BCAR3: variants seen among roughly 807,000 people sequenced by gnomAD.
BCAR3 encodes BCAR3 adaptor protein, NSP family member.
Under a neutral mutation model 80.1 loss-of-function variants are expected in BCAR3, and 37 were observed. That is an observed-to-expected ratio of 0.46 (90% CI 0.36 to 0.61). The LOEUF (loss-of-function observed/expected upper bound fraction) is 0.61, where lower values mean the gene tolerates loss of function less well. Ranked by LOEUF, BCAR3 falls within the 20% of genes least tolerant of loss-of-function variation. The pLI is 0.00. For missense variants in BCAR3, 978 were observed against 1,068.2 expected, an observed-to-expected ratio of 0.92 and a Z score of 1.18; for synonymous variants, 389 against 418.9, an observed-to-expected ratio of 0.93 and a Z score of 0.87.
rs369464757 is a variant in BCAR3, at chr1:93,726,827, G to A, written c.-62-20685C>T. 2.2e-4 allele frequency among the ~76,000 whole-genome samples: 33 copies of A among 152,246 alleles called. 3 individuals carry two copies. Among genetic ancestry groups the A allele is most frequent in the East Asian group, 9.6e-4 (5 of 5,186 alleles). Reference sequence around the variant, plus strand: ...CAAACCACTAAATTTCTGCCCACAGGTGGTGACTACAATTAATTTTTGTAT... The same window carrying A: ...CAAACCACTAAATTTCTGCCCACAGATGGTGACTACAATTAATTTTTGTAT... On this transcript the variant is annotated intron_variant, in intron 2 of 13. Transcript: ENST00000370244.
At chr1:93,666,370 T>A (rs1055023257) in intron 2 of BCAR3, among the ~76,000 whole-genome samples, 1 of 152,252 alleles carries the variant, frequency 6.6e-6, no homozygotes, top group African/African-American at 2.4e-5. Flanking sequence ...AAATTATTAC[T>A]GAAATATATT....
chr1:93,665,365 T>C (rs1315598706), intron 2 of BCAR3, among the ~76,000 whole-genome samples: 1 of 151,974 alleles, frequency 6.6e-6, no homozygotes, highest in Non-Finnish European at 1.5e-5. Flanking sequence ...TTAGTTTAAA[T>C]GGCAAGATAG....
intron 2 of BCAR3, among the ~76,000 whole-genome samples, chr1:93,783,984 A>G (rs1004197): frequency 0.31 from 47,875 of 152,134 alleles, 10,873 homozygotes; most frequent in African/African-American, 0.64. Flanking sequence ...CTTAGAACTC[A>G]TCCACCATTT....
rs1006110521 is a variant in BCAR3 at position 93,807,970 on chromosome 1, A to C, written c.-63+37597T>G. On this transcript the variant is annotated intron_variant, in intron 2 of 13. Transcript: ENST00000370244. ...TCTGAGGTGGGAGGTTCAGGGAGGCAGAGGTTGCAGTGAGCTGAGATCACA... is the reference window on the plus strand; with the variant it reads ...TCTGAGGTGGGAGGTTCAGGGAGGCCGAGGTTGCAGTGAGCTGAGATCACA... Among the ~76,000 whole-genome samples, 4 of 151,456 alleles carry C rather than the reference A, an allele frequency of 2.6e-5. No individual in the cohort carries two copies. In the South Asian group the frequency reaches 8.4e-4, roughly 32 times the overall value.
At position 93,721,509 on chromosome 1, in the gene BCAR3, C is replaced by T. The variant is rs763815139; in HGVS notation, c.-62-15367G>A. ...TTGTATTGTTATTCTCCTGGGAATGCGACGGAACTTTTCCTAGAGATACAG... is the reference window on the plus strand; with the variant it reads ...TTGTATTGTTATTCTCCTGGGAATGTGACGGAACTTTTCCTAGAGATACAG... On this transcript the variant is annotated intron_variant, in intron 2 of 13. Coordinates refer to the BCAR3 transcript ENST00000370244. 1.1e-4 allele frequency among the ~76,000 whole-genome samples: 16 copies of T among 152,094 alleles called. 1 individual carries two copies. The highest frequency in any genetic ancestry group is 1.3e-4 in the Admixed American group (2 of 15,276).
intron 2 of BCAR3, among the ~76,000 whole-genome samples, chr1:93,772,475 C>T (rs1310149609): frequency 6.6e-6 from 1 of 152,212 alleles, no homozygotes; most frequent in African/African-American, 2.4e-5. Flanking sequence ...GCAGGGTTAG[C>T]TCTTTCCCAG....
chr1:93,640,292 C>T (rs1424209553), intron 3 of BCAR3, among the ~76,000 whole-genome samples: 3 of 152,096 alleles, frequency 2.0e-5, no homozygotes, highest in Non-Finnish European at 2.9e-5. Flanking sequence ...TGGACCTTTA[C>T]GTCAGAGACC....
chr1:93,615,458 C>A (rs1318242004), intron 3 of BCAR3, among the ~76,000 whole-genome samples: 1 of 152,196 alleles, frequency 6.6e-6, no homozygotes, highest in Non-Finnish European at 1.5e-5. Flanking sequence ...GCGATGACTT[C>A]CTTTCTGCTT....
Position 93,657,223 on chromosome 1 carries a change from T to G in BCAR3, c.318-14880A>C, listed in dbSNP as rs138612508. On this transcript the variant is annotated intron_variant, in intron 2 of 11. Coordinates refer to ENST00000260502, the MANE Select transcript of BCAR3 (RefSeq NM_003567.4). ...CATTATTTTTTCCCATCAGCATTTG[T>G]GTAGAGACAATAGGTTTCTTTTTTG... Among the ~76,000 whole-genome samples the G allele has an allele frequency of 1.2e-3, 185 of 152,320 alleles. 2 individuals are homozygous for G. The East Asian group carries it at 0.034, about 28-fold the overall frequency.
chr1:93,569,364 G>A (rs76271121), intron 9 of BCAR3, among the ~76,000 whole-genome samples: 1,567 of 152,318 alleles, frequency 0.01, 18 homozygotes, highest in South Asian at 0.034. Context: ...TATCCAAAAG[G>A]AAGGTGAGTA....
At chr1:93,591,749 T>C (rs1287165713) in intron 4 of BCAR3, among the ~76,000 whole-genome samples, 1 of 152,214 alleles carries the variant, frequency 6.6e-6, no homozygotes, top group Non-Finnish European at 1.5e-5. Context: ...TCCCCTTTTT[T>C]CCCACCTCTG....
intron 2 of BCAR3, among the ~76,000 whole-genome samples, chr1:93,734,587 G>C (rs1224183591): frequency 6.6e-6 from 1 of 152,162 alleles, no homozygotes; most frequent in Non-Finnish European, 1.5e-5. Context: ...GGCAGCAGCA[G>C]TACAGCTTTG....
intron 2 of BCAR3, among the ~76,000 whole-genome samples, chr1:93,742,670 G>C (rs533296593): frequency 6.6e-6 from 1 of 152,332 alleles, no homozygotes; most frequent in Admixed American, 6.5e-5. Flanking sequence ...TGCTGAATTA[G>C]TCTGGGAATA....
At chr1:93,582,227 AGAG>A in intron 7 of BCAR3, 71 bp downstream of exon 7, 1 of 1,530,294 alleles carries the variant, frequency 6.5e-7, no homozygotes, top group Admixed American at 2.0e-5. Context: ...TACAAAAGCC[AGAG>A]GAGCACCGGG....
chr1:93,617,857 G>A (rs115569424), intron 3 of BCAR3, among the ~76,000 whole-genome samples: 3,094 of 152,338 alleles, frequency 0.02, 46 homozygotes, highest in Non-Finnish European at 0.033. Flanking sequence ...TCTGTGGAGA[G>A]CAGTGTGGCA....
At chr1:93,578,036 A>T (rs1339568405) in intron 7 of BCAR3, among the ~76,000 whole-genome samples, 3 of 152,198 alleles carry the variant, frequency 2.0e-5, no homozygotes, top group Non-Finnish European at 4.4e-5. Context: ...AAGGACAAAC[A>T]TGTCTAGAGC....
At chr1:93,798,148 AAT>A (rs1423824945) in intron 2 of BCAR3, among the ~76,000 whole-genome samples, 2 of 152,208 alleles carry the variant, frequency 1.3e-5, no homozygotes, top group Non-Finnish European at 2.9e-5. Context: ...GACATGCTGT[AAT>A]ATAGGAAATT....
chr1:93,609,555 AC>A (rs1674889315), intron 3 of BCAR3, among the ~76,000 whole-genome samples: 1 of 152,338 alleles, frequency 6.6e-6, no homozygotes, highest in African/African-American at 2.4e-5. Flanking sequence ...TCCCCTGTCC[AC>A]AAAAATACCT....
intron 2 of BCAR3, among the ~76,000 whole-genome samples, chr1:93,762,864 C>T (rs893054879): frequency 2.6e-5 from 4 of 152,210 alleles, no homozygotes; most frequent in South Asian, 4.2e-4. Context: ...CTCCATTCCA[C>T]CTCAAGCTCC....
Sources: allele counts gnomAD v4.1 joint callset (sites outside exome capture counted in the v4.1 genomes callset), GRCh38; gene constraint gnomAD v4.1.1; transcripts MANE v1.5; gene names NCBI Gene and HGNC (gene_info 2026-07-23, HGNC 2026-07-21).